Variants in PSAP observed in about 807,000 individuals in gnomAD.
The protein encoded by PSAP is precursor of saposins.
PSAP carries 25 observed loss-of-function variants against 66.0 expected under a neutral mutation model. The ratio of observed to expected loss-of-function variants is 0.38; its 90% confidence interval spans 0.28 to 0.53. PSAP has a LOEUF of 0.53. Ranked by LOEUF, PSAP falls within the 20% of genes least tolerant of loss-of-function variation. The pLI is 0.83. For synonymous variants in PSAP, 273 were observed against 258.9 expected (o/e 1.05, Z -0.52); for missense variants, 649 against 668.8 (o/e 0.97, Z 0.33).
chr10:71,826,607 G>A (rs1357360568), intron 6 of PSAP, among the ~76,000 whole-genome samples: 1 of 152,184 alleles, frequency 6.6e-6, no homozygotes, highest in Non-Finnish European at 1.5e-5. Context: ...GCTGGGCGTG[G>A]TGGCTCACTC....
At chr10:71,843,683 A>G (rs1365389328) in intron 1 of PSAP, among the ~76,000 whole-genome samples, 1 of 152,246 alleles carries the variant, frequency 6.6e-6, no homozygotes, top group Non-Finnish European at 1.5e-5. Flanking sequence ...AAAAAGACAC[A>G]TCCATACAAT....
intron 1 of PSAP, among the ~76,000 whole-genome samples, chr10:71,836,059 G>C (rs1043647327): frequency 1.4e-4 from 22 of 152,160 alleles, no homozygotes; most frequent in African/African-American, 5.3e-4. Flanking sequence ...GTCCCACAAA[G>C]CTCGAGTCAG....
At chr10:71,828,258 C>A in intron 5 of PSAP, 101 bp from the exon 6 acceptor site, 1 of 1,277,554 alleles carries the variant, frequency 7.8e-7, no homozygotes, top group East Asian at 2.3e-5. Flanking sequence ...CACTTGCTGA[C>A]CAGTTCCTAA....
Position 71,816,651 on chromosome 10 carries a change from C to CTTTTTTA in PSAP, c.*789_*790insTAAAAAA. The CTTTTTTA allele has an allele frequency of 2.8e-6, 1 of 357,426 alleles. No individual in the cohort carries two copies. Among genetic ancestry groups the CTTTTTTA allele is most frequent in the South Asian group, 2.0e-5 (1 of 48,978 alleles). 22.1% of individuals were successfully genotyped at this position (357,426 alleles called of 1,614,324 possible). Reference sequence around the variant, plus strand: ...TCAACAGCCAGGGACATGTAGGCAACACGAGCAGGCACAGCGCGGCCACCA... The same window carrying CTTTTTTA: ...TCAACAGCCAGGGACATGTAGGCAACTTTTTTAACGAGCAGGCACAGCGCGGCCACCA... On this transcript the variant is annotated 3_prime_UTR_variant, in exon 14 of 14. Coordinates refer to ENST00000394936, the MANE Select transcript of PSAP (RefSeq NM_002778.4).
chr10:71,820,918 CT>C (rs1178869428), intron 8 of PSAP, among the ~76,000 whole-genome samples: 1 of 152,240 alleles, frequency 6.6e-6, no homozygotes, highest in East Asian at 1.9e-4. Flanking sequence ...TACCTGTGCA[CT>C]GAGCACCTGC....
rs142401733 is a variant in PSAP, at chr10:71,823,327, G to A, written c.778-1320C>T. On this transcript the variant is annotated intron_variant, in intron 7 of 13. Coordinates refer to ENST00000394936, the MANE Select transcript of PSAP (RefSeq NM_002778.4). ...CCCAAAGGACCCTGTTACCCAGAGG[G>A]GCAGAAGCCACAATCAAGAGATTGT... 7.3e-3 allele frequency among the ~76,000 whole-genome samples: 1,109 copies of A among 152,298 alleles called. 7 individuals carry two copies. The highest frequency in any genetic ancestry group is 0.021 in the South Asian group (101 of 4,824).
chr10:71,850,982 C>G (rs144616703), intron 1 of PSAP, among the ~76,000 whole-genome samples, 200 bp downstream of exon 1: 2 of 152,346 alleles, frequency 1.3e-5, no homozygotes, highest in South Asian at 4.1e-4. Context: ...CTCCCGGGGG[C>G]ATTTTCGCAG....
At chr10:71,820,195 C>CG (rs753081725) in intron 9 of PSAP, 45 bp downstream of exon 9, 128 of 1,519,066 alleles carry the variant, frequency 8.4e-5, no homozygotes, top group Middle Eastern at 3.5e-4. Context: ...CATTCAGGCT[C>CG]GGGGGGGCAG....
chr10:71,847,404 T>C (rs929497900), intron 1 of PSAP, among the ~76,000 whole-genome samples: 3 of 152,134 alleles, frequency 2.0e-5, no homozygotes, highest in Non-Finnish European at 2.9e-5. Context: ...GTGGATTTTA[T>C]AGGCATGGTG....
At chr10:71,845,004 T>C (rs1186759779) in intron 1 of PSAP, among the ~76,000 whole-genome samples, 1 of 152,186 alleles carries the variant, frequency 6.6e-6, no homozygotes. Flanking sequence ...TTATTATATA[T>C]TGTTTTAATT....
intron 12 of PSAP, 108 bp downstream of exon 12, chr10:71,818,923 A>G (rs1004268848): frequency 2.5e-6 from 3 of 1,178,926 alleles, no homozygotes; most frequent in African/African-American, 3.1e-5. Context: ...CCGCAGCAGA[A>G]CCCAGAGACT....
intron 4 of PSAP, 91 bp downstream of exon 4, chr10:71,831,035 G>T: frequency 6.4e-7 from 1 of 1,571,986 alleles, no homozygotes; most frequent in Non-Finnish European, 8.7e-7. Context: ...GCTAAGAACA[G>T]ACTTTCCATT....
intron 8 of PSAP, among the ~76,000 whole-genome samples, chr10:71,821,073 T>C (rs1256902093): frequency 1.3e-5 from 2 of 152,248 alleles, no homozygotes; most frequent in African/African-American, 4.8e-5. Flanking sequence ...AGGCTGGAGC[T>C]GAGGAGCACC....
chr10:71,836,235 G>C (rs1842625763), intron 1 of PSAP, among the ~76,000 whole-genome samples: 1 of 152,202 alleles, frequency 6.6e-6, no homozygotes, highest in African/African-American at 2.4e-5. Flanking sequence ...GTTTCCAGGG[G>C]AAAACATGTG....
At chr10:71,851,046 C>A (rs889981904) in intron 1 of PSAP, 136 bp downstream of exon 1, 4 of 1,023,520 alleles carry the variant, frequency 3.9e-6, no homozygotes, top group Admixed American at 2.2e-5. Context: ...AGCCAGCGAA[C>A]GCGCCTGCGC....
intron 8 of PSAP, among the ~76,000 whole-genome samples, chr10:71,820,919 T>C (rs1479612558): frequency 6.6e-6 from 1 of 152,276 alleles, no homozygotes; most frequent in African/African-American, 2.4e-5. Flanking sequence ...ACCTGTGCAC[T>C]GAGCACCTGC....
rs969229358 is a variant in PSAP, at chr10:71,851,214, G to C, written c.8C>G (p.Ala3Gly). ...CAGGAGGCTGGCCAGGAGGAAGAGG[G>C]CGTACATAGCGCCGTCTGACTCCGC... Reference protein sequence around the residue: MYALFLLASLLGA... With the variant: MYGLFLLASLLGA... Residue 3 changes from alanine to glycine, a missense_variant, in exon 1 of 14, where the codon GCC (alanine) becomes GGC (glycine). Coordinates refer to ENST00000394936, the MANE Select transcript of PSAP (RefSeq NM_002778.4). 9.0e-6 allele frequency: 14 copies of C among 1,551,020 alleles called. No homozygotes were observed. The East Asian group carries it at 1.7e-4, about 19-fold the overall frequency.
chr10:71,823,157 A>G (rs922350728), intron 7 of PSAP, among the ~76,000 whole-genome samples: 1 of 152,164 alleles, frequency 6.6e-6, no homozygotes, highest in Non-Finnish European at 1.5e-5. Context: ...ATACCTTCAA[A>G]AAAAGCTCCA....
chr10:71,819,465 C>T lies in PSAP; in HGVS notation c.1350G>A (p.Gln450=), dbSNP rs1333118445. 1 of 1,614,176 alleles carries T rather than the reference C, an allele frequency of 6.2e-7. No individual in the cohort carries two copies. Among genetic ancestry groups the T allele is most frequent in the Admixed American group, 1.7e-5 (1 of 60,036 alleles). The change falls in exon 11 of 14, where the codon CAG becomes CAA. Residue 450 remains glutamine (Q), a splice_region_variant and synonymous_variant. Transcript: ENST00000394936. ...CSFLPDPYQK[Q]CDQFVAEYEP... ...TACCGCAGCCCAGCCCGGGGCGTAC[C>T]TGCTTCTGGTAAGGGTCTGGCAGGA... is the stretch of plus-strand genomic sequence containing the variant.
Sources: gnomAD v4.1 joint callset for allele counts (sites outside exome capture counted in the v4.1 genomes callset) on GRCh38, gnomAD v4.1.1 for gene constraint, MANE v1.5 for transcripts, NCBI Gene and HGNC (gene_info 2026-07-23, HGNC 2026-07-21) for gene names.